BCAS3: variants seen among roughly 807,000 people sequenced by gnomAD.
BCAS3 encodes BCAS3 microtubule associated cell migration factor.
Under a neutral mutation model 116.1 loss-of-function variants are expected in BCAS3, and 53 were observed. That is an observed-to-expected ratio of 0.46 (90% CI 0.37 to 0.57). The LOEUF (loss-of-function observed/expected upper bound fraction) is 0.57. Among genes scored for constraint, BCAS3 ranks in the 20% least tolerant of loss-of-function variants. BCAS3 has a pLI of 0.00. For synonymous variants in BCAS3, 391 were observed against 408.2 expected, an observed-to-expected ratio of 0.96 and a Z score of 0.51; for missense variants, 917 against 1,165.4, an observed-to-expected ratio of 0.79 and a Z score of 3.10.
chr17:60,980,424 A>G (rs1016304664), intron 14 of BCAS3: 2 of 151,454 alleles, frequency 1.3e-5, no homozygotes, highest in African/African-American at 2.4e-5. Flanking sequence ...CCATTTGTTT[A>G]TCTTCTTTGG....
chr17:60,864,830 G>A (rs1182977388), intron 7 of BCAS3, among the ~76,000 whole-genome samples: 1 of 152,096 alleles, frequency 6.6e-6, no homozygotes, highest in Admixed American at 6.6e-5. Context: ...ACACTTAGAG[G>A]CTATTGTAGG....
chr17:61,289,729 TA>T (rs200885894), intron 22 of BCAS3, among the ~76,000 whole-genome samples: 14 of 148,404 alleles, frequency 9.4e-5, no homozygotes, highest in African/African-American at 1.7e-4. Flanking sequence ...CACTTTGAAA[TA>T]AAAAAAAAAT....
intron 12 of BCAS3, among the ~76,000 whole-genome samples, chr17:60,917,103 A>C (rs1307759492): frequency 6.6e-6 from 1 of 152,208 alleles, no homozygotes; most frequent in African/African-American, 2.4e-5. Flanking sequence ...AGTAGAAAAA[A>C]ATCTAAATAT....
chr17:60,855,712 T>C (rs2053619026), intron 7 of BCAS3, among the ~76,000 whole-genome samples: 1 of 151,984 alleles, frequency 6.6e-6, no homozygotes, highest in African/African-American at 2.4e-5. Context: ...TGAGACAGGG[T>C]CTCACTTTGT....
rs1003366155 is a variant in BCAS3, at chr17:61,203,953, G to A, written c.2425+119389G>A. Among the ~76,000 whole-genome samples, 1 of 152,180 alleles carries A rather than the reference G, an allele frequency of 6.6e-6. No homozygotes were observed. The highest frequency in any genetic ancestry group is 2.4e-5 in the African/African-American group (1 of 41,428). ...ATCATTCAAAATGGGGTTCAAGCTG[G>A]GAGGCAGTGCCCGGCCCCCTTCTTT... On this transcript the variant is annotated intron_variant, in intron 22 of 23. Coordinates refer to ENST00000407086, the MANE Select transcript of BCAS3 (RefSeq NM_017679.5). The surrounding 1 kb of genome is among the most constrained non-coding windows in gnomAD (Gnocchi z 5.7).
At chr17:61,218,797 C>T (rs891030700) in intron 22 of BCAS3, among the ~76,000 whole-genome samples, 2 of 152,218 alleles carry the variant, frequency 1.3e-5, no homozygotes, top group Admixed American at 6.5e-5. Context: ...TAGGTCCCAG[C>T]TTTACTTGTA....
In BCAS3 at chr17:61,139,241, TA is replaced by T. The variant is rs2076797501; in HGVS notation, c.2425+54682del. 6.6e-6 allele frequency among the ~76,000 whole-genome samples: 1 copy of T among 152,252 alleles called. No individual in the cohort carries two copies. The highest frequency in any genetic ancestry group is 2.4e-5 in the African/African-American group (1 of 41,456). On this transcript the variant is annotated intron_variant, in intron 22 of 23. Transcript: ENST00000407086. The surrounding 1 kb of genome is among the most constrained non-coding windows in gnomAD (Gnocchi z 4.7). ...CCTTAGAGTTATAGATGATCTAATC[TA>T]AAAAGTTGGAGGACTTAAAAAGAAA...
chr17:60,988,917 C>T (rs1375720676), intron 14 of BCAS3, among the ~76,000 whole-genome samples: 2 of 151,696 alleles, frequency 1.3e-5, no homozygotes, highest in East Asian at 3.8e-4. Context: ...TTATCTTCTA[C>T]TAATTTTGGG....
intron 12 of BCAS3, among the ~76,000 whole-genome samples, chr17:60,912,885 A>T (rs538381962): frequency 3.1e-4 from 47 of 152,190 alleles, no homozygotes; most frequent in African/African-American, 1.1e-3. Context: ...TTGTTGATGG[A>T]GAGATTTGGG....
rs1006429325 is a variant in BCAS3 at position 61,134,629 on chromosome 17, A to T, written c.2425+50065A>T. On this transcript the variant is annotated intron_variant, in intron 22 of 23. Transcript: ENST00000407086. The surrounding 1 kb of genome is among the most constrained non-coding windows in gnomAD (Gnocchi z 4.6). ...CATTTAGAGACAAACTGAAATGGTG[A>T]TTGTAATGACATTTCAAGTTAATGA... Among the ~76,000 whole-genome samples, 4 of 152,230 alleles carry T rather than the reference A, an allele frequency of 2.6e-5. No homozygotes were observed. The highest frequency in any genetic ancestry group is 2.9e-5 in the Non-Finnish European group (2 of 68,050).
chr17:61,054,749 G>A (rs2069204195), intron 19 of BCAS3, among the ~76,000 whole-genome samples: 3 of 152,168 alleles, frequency 2.0e-5, no homozygotes, highest in African/African-American at 4.8e-5. Flanking sequence ...ACTTTTTAAT[G>A]TCTTTATTTT....
chr17:60,837,921 G>A (rs1278687952), intron 7 of BCAS3, among the ~76,000 whole-genome samples: 1 of 152,056 alleles, frequency 6.6e-6, no homozygotes, highest in Admixed American at 6.6e-5. Flanking sequence ...AAAGTGCTGG[G>A]ATTACAGGTG....
intron 19 of BCAS3, among the ~76,000 whole-genome samples, chr17:61,049,736 T>TTTCTTTTCTTTTCTTTTC (rs1568225757): frequency 6.1e-5 from 9 of 146,478 alleles, no homozygotes; most frequent in African/African-American, 1.8e-4. Flanking sequence ...TTTTCTTTTT[T>TTTCTTTTCTTTTCTTTTC]TTTTTTTTTT....
chr17:61,380,663 C>A lies in BCAS3; in HGVS notation c.2594-11314C>A. The A allele has an allele frequency of 1.6e-6, 2 of 1,242,054 alleles. No individual in the cohort carries two copies. Among genetic ancestry groups the A allele is most frequent in the African/African-American group, 1.5e-5 (1 of 67,424 alleles). The allele number at this position is 1,242,054 out of a possible 1,614,324, so 76.9% of individuals were successfully genotyped here. ...GGGTGCCCTCCTACCCCCTCGTGCC[C>A]AGGCCCAGGAGCACTCTAGGGAGGG... is the stretch of plus-strand genomic sequence containing the variant. On this transcript the variant is annotated intron_variant, in intron 23 of 23. Transcript: ENST00000407086. This position sits in a 1 kb window ranked among gnomAD's most constrained non-coding sequence, Gnocchi z 4.2.
intron 22 of BCAS3, among the ~76,000 whole-genome samples, chr17:61,314,338 G>A (rs2144791073): frequency 6.6e-6 from 1 of 152,336 alleles, no homozygotes; most frequent in East Asian, 1.9e-4. Flanking sequence ...TACTGAGGCA[G>A]GGAGTGTAAA....
chr17:60,977,481 G>A (rs929169398), intron 14 of BCAS3, among the ~76,000 whole-genome samples: 1 of 150,968 alleles, frequency 6.6e-6, no homozygotes, highest in Admixed American at 6.6e-5. Flanking sequence ...TTTGGCGGAA[G>A]CACTTTCTTT....
chr17:61,386,430 A>C (rs2059853702), intron 23 of BCAS3, among the ~76,000 whole-genome samples: 1 of 152,238 alleles, frequency 6.6e-6, no homozygotes, highest in Admixed American at 6.5e-5. Flanking sequence ...TACTCCCACC[A>C]GTCAGCGTGG....
At chr17:60,840,111 C>T (rs2051758524) in intron 7 of BCAS3, among the ~76,000 whole-genome samples, 1 of 149,318 alleles carries the variant, frequency 6.7e-6, no homozygotes, top group Non-Finnish European at 1.5e-5. Context: ...TAAGAAAATA[C>T]CCAAATGTAA....
chr17:60,724,166 G>A (rs1379067602), intron 5 of BCAS3, among the ~76,000 whole-genome samples: 5 of 151,418 alleles, frequency 3.3e-5, no homozygotes, highest in Non-Finnish European at 7.4e-5. Context: ...GCTCATGACT[G>A]TAATCCCAGC....
Sources: gnomAD v4.1 joint callset for allele counts (sites outside exome capture counted in the v4.1 genomes callset) on GRCh38, gnomAD v4.1.1 for gene constraint, Gnocchi (gnomAD v3.1) non-coding constraint, MANE v1.5 for transcripts, NCBI Gene and HGNC (gene_info 2026-07-23, HGNC 2026-07-21) for gene names.